The following SNX24 variants were observed in gnomAD, a reference collection of about 807,000 sequenced individuals.
The protein encoded by SNX24 is sorting nexin 24, also known as sorting nexin-24.
SNX24 carries 22 observed loss-of-function variants against 28.7 expected under a neutral mutation model. The observed-to-expected ratio is 0.77, with a 90% CI of 0.55 to 1.10. The LOEUF is 1.10. Among genes scored for constraint, SNX24 ranks in the 50% least tolerant of loss-of-function variants. The probability of loss-of-function intolerance (pLI) is 0.00; values close to 1 mark genes in which losing one functional copy is unlikely to be tolerated. For synonymous variants in SNX24, 69 were observed against 71.5 expected, an observed-to-expected ratio of 0.96 and a Z score of 0.18; for missense variants, 221 against 201.1, an observed-to-expected ratio of 1.10 and a Z score of -0.60.
At chr5:122,959,573 G>C (rs1345419407) in intron 3 of SNX24, among the ~76,000 whole-genome samples, 1 of 151,896 alleles carries the variant, frequency 6.6e-6, no homozygotes, top group Non-Finnish European at 1.5e-5. Context: ...AGCTTTTGTG[G>C]CTAGAATTGA....
intron 3 of SNX24, among the ~76,000 whole-genome samples, chr5:122,976,779 T>C (rs1405894673): frequency 6.6e-6 from 1 of 152,204 alleles, no homozygotes; most frequent in Non-Finnish European, 1.5e-5. Flanking sequence ...ATGCCTAGAG[T>C]GCGTAAAACG....
At chr5:122,903,230 C>A (rs1410962899) in intron 1 of SNX24, among the ~76,000 whole-genome samples, 4 of 152,132 alleles carry the variant, frequency 2.6e-5, no homozygotes, top group Admixed American at 1.3e-4. Context: ...ACCTCAGCCT[C>A]CCTAGTCACT....
chr5:122,972,103 C>G (rs1440707850), intron 3 of SNX24, among the ~76,000 whole-genome samples: 1 of 152,154 alleles, frequency 6.6e-6, no homozygotes, highest in Non-Finnish European at 1.5e-5. Context: ...GTCAGTCACC[C>G]CAACCAACAC....
In SNX24 at chr5:122,857,381, T is replaced by A. The variant is rs749113777; in HGVS notation, c.60+11688T>A. 3.4e-4 allele frequency among the ~76,000 whole-genome samples: 51 copies of A among 152,120 alleles called. 1 individual carries two copies. Among genetic ancestry groups the A allele is most frequent in the Non-Finnish European group, 5.7e-4 (39 of 67,976 alleles). On this transcript the variant is annotated intron_variant, in intron 1 of 6. Coordinates refer to ENST00000261369, the MANE Select transcript of SNX24 (RefSeq NM_014035.4). ...ATCTTCTACATATGGCTACCACTTA[T>A]CCCTTCATCATTTATTTATTTATTT...
intron 3 of SNX24, among the ~76,000 whole-genome samples, chr5:122,976,869 A>G (rs984948506): frequency 6.6e-6 from 1 of 152,248 alleles, no homozygotes; most frequent in African/African-American, 2.4e-5. Context: ...AGAGCATGGC[A>G]GCGGTTTGTT....
At chr5:122,946,006 A>G in intron 2 of SNX24, 49 bp from the exon 3 acceptor site, 1 of 964,504 alleles carries the variant, frequency 1.0e-6, no homozygotes, top group Non-Finnish European at 1.5e-6. Flanking sequence ...TAATTAACAG[A>G]CATCTCTGTT....
rs887059902 is a variant in SNX24 at position 122,892,458 on chromosome 5, C to CT, written c.61-44268dup. ...ATTTATTTTTTATTTTATTTATTTA[C>CT]TTTTTTTTATTGAGACAGAGTCTCG... On this transcript the variant is annotated intron_variant, in intron 1 of 6. Transcript: ENST00000261369. Among the ~76,000 whole-genome samples the CT allele has an allele frequency of 4.0e-4, 60 of 151,384 alleles. 1 individual carries two copies. The South Asian group carries it at 7.3e-3, about 18-fold the overall frequency.
intron 3 of SNX24, among the ~76,000 whole-genome samples, chr5:122,966,535 G>T (rs1463524269): frequency 6.6e-6 from 1 of 152,192 alleles, no homozygotes; most frequent in Non-Finnish European, 1.5e-5. Context: ...AAAGGCAGCA[G>T]CCAGACCTAA....
At chr5:122,950,393 A>C (rs959132498) in intron 3 of SNX24, among the ~76,000 whole-genome samples, 1 of 152,190 alleles carries the variant, frequency 6.6e-6, no homozygotes, top group Non-Finnish European at 1.5e-5. Context: ...AGAAGGGTAG[A>C]TCTAGCTTCA....
At chr5:122,920,701 G>A (rs1050987006) in intron 1 of SNX24, among the ~76,000 whole-genome samples, 1 of 152,280 alleles carries the variant, frequency 6.6e-6, no homozygotes, top group South Asian at 2.1e-4. Context: ...TTTCCTATCT[G>A]TGTGGCTAAT....
chr5:123,019,929 G>A (rs1348690345), intron 5 of SNX24, among the ~76,000 whole-genome samples: 1 of 152,234 alleles, frequency 6.6e-6, no homozygotes, highest in Non-Finnish European at 1.5e-5. Flanking sequence ...TTTAGCAGGG[G>A]GATGTCCTTA....
chr5:122,963,350 C>T (rs1314880284), intron 3 of SNX24, among the ~76,000 whole-genome samples: 1 of 152,160 alleles, frequency 6.6e-6, no homozygotes, highest in Admixed American at 6.5e-5. Flanking sequence ...GTTGCACAGA[C>T]CTGTGCTAAT....
chr5:122,964,672 A>C (rs1048351938), intron 3 of SNX24, among the ~76,000 whole-genome samples: 3 of 152,188 alleles, frequency 2.0e-5, no homozygotes, highest in Admixed American at 2.0e-4. Flanking sequence ...TATAAAAAGT[A>C]TAAAAATAAA....
chr5:122,853,036 TGG>T (rs1754993709), intron 1 of SNX24, among the ~76,000 whole-genome samples: 3 of 151,420 alleles, frequency 2.0e-5, no homozygotes, highest in East Asian at 3.9e-4. Context: ...GCCTCATTCA[TGG>T]TAGGCTCATA....
At chr5:123,003,478 A>G (rs368617923) in intron 6 of SNX24, among the ~76,000 whole-genome samples, 2 of 151,854 alleles carry the variant, frequency 1.3e-5, no homozygotes, top group African/African-American at 2.4e-5. Context: ...TATTCTTATT[A>G]TCTTTGAAAA....
intron 1 of SNX24, among the ~76,000 whole-genome samples, chr5:122,881,910 G>A (rs1756499561): frequency 6.6e-6 from 1 of 151,282 alleles, no homozygotes; most frequent in Non-Finnish European, 1.5e-5. Context: ...TTGTCTAATT[G>A]TGAAACAATT....
intron 1 of SNX24, among the ~76,000 whole-genome samples, chr5:122,924,479 C>A (rs917148420): frequency 1.3e-5 from 2 of 152,076 alleles, no homozygotes; most frequent in African/African-American, 4.8e-5. Context: ...GGGCAAGACA[C>A]CGTGGGACAG....
At chr5:123,016,990 G>C (rs769907177) in intron 5 of SNX24, among the ~76,000 whole-genome samples, 2 of 115,586 alleles carry the variant, frequency 1.7e-5, no homozygotes, top group Non-Finnish European at 3.8e-5. Context: ...AATGAGCCTA[G>C]GTTTTTCCCA....
At chr5:122,869,630 T>G (rs1232154750) in intron 1 of SNX24, among the ~76,000 whole-genome samples, 1 of 152,214 alleles carries the variant, frequency 6.6e-6, no homozygotes, top group Non-Finnish European at 1.5e-5. Context: ...ACTTAGGATA[T>G]TAGTGGTGAG....
Sources: gnomAD v4.1 joint callset for allele counts (sites outside exome capture counted in the v4.1 genomes callset) on GRCh38, gnomAD v4.1.1 for gene constraint, MANE v1.5 for transcripts, NCBI Gene and HGNC (gene_info 2026-07-23, HGNC 2026-07-21) for gene names.